The following RANBP2 variants were observed in gnomAD, a reference collection of about 807,000 sequenced individuals.
RANBP2 encodes RAN binding protein 2.
A neutral mutation model predicts 303.6 loss-of-function variants in RANBP2; 57 were observed. The ratio of observed to expected loss-of-function variants is 0.19; its 90% CI spans 0.15 to 0.23. The LOEUF is 0.23. RANBP2 is among the 10% of genes least tolerant of loss of function. The pLI is 1.00. For synonymous variants in RANBP2, 1,167 were observed against 1,301.5 expected, an observed-to-expected ratio of 0.90 and a Z score of 2.23; for missense variants, 3,138 against 3,780.8, an observed-to-expected ratio of 0.83 and a Z score of 4.46.
At chr2:108,929,038 TC>T in the RANBP2 span, among the ~76,000 whole-genome samples, 7 of 152,172 alleles carry the variant, frequency 4.6e-5, no homozygotes, top group African/African-American at 1.7e-4. Flanking sequence ...GGACTCTCCG[TC>T]CTGGATGCTG....
chr2:109,178,008 G>A, the RANBP2 span, among the ~76,000 whole-genome samples: 53 of 152,212 alleles, frequency 3.5e-4, no homozygotes, highest in African/African-American at 1.2e-3. Flanking sequence ...TAAACAAAGG[G>A]CCTAAATCTT....
At chr2:108,898,568 CAA>C in the RANBP2 span, among the ~76,000 whole-genome samples, 1 of 152,040 alleles carries the variant, frequency 6.6e-6, no homozygotes, top group African/African-American at 2.4e-5. Context: ...TACCAAGAAC[CAA>C]GAAGATGTCA....
chr2:109,371,550 C>G, the RANBP2 span: 1 of 1,572,976 alleles, frequency 6.4e-7, no homozygotes, highest in Non-Finnish European at 8.7e-7. Flanking sequence ...TGTGTGTGTC[C>G]GTATGCTTGT....
the RANBP2 span, among the ~76,000 whole-genome samples, chr2:109,180,328 C>T: frequency 2.0e-5 from 3 of 152,136 alleles, no homozygotes; most frequent in African/African-American, 7.2e-5. Flanking sequence ...ATGACTTTTT[C>T]TCTGTTTCCT....
At chr2:109,429,125 G>A in the RANBP2 span, among the ~76,000 whole-genome samples, 2 of 152,268 alleles carry the variant, frequency 1.3e-5, no homozygotes, top group African/African-American at 4.8e-5. Flanking sequence ...GGCAGGTTGG[G>A]AAGGGCCGGT....
chr2:109,405,878 C>T, the RANBP2 span, among the ~76,000 whole-genome samples: 7 of 152,362 alleles, frequency 4.6e-5, no homozygotes, highest in Non-Finnish European at 7.3e-5. Flanking sequence ...GGCTCTCACA[C>T]GCTAGCTTCC....
chr2:108,831,801 C>T, the RANBP2 span, among the ~76,000 whole-genome samples: 175 of 151,952 alleles, frequency 1.2e-3, 1 homozygote, highest in African/African-American at 4.1e-3. Context: ...GGCATGATCT[C>T]GGCCCACTGC....
the RANBP2 span, among the ~76,000 whole-genome samples, chr2:109,655,322 G>A: frequency 6.6e-5 from 10 of 152,290 alleles, no homozygotes; most frequent in South Asian, 2.1e-3. Context: ...GAACACAGTC[G>A]ATAGGTGACT....
the RANBP2 span, among the ~76,000 whole-genome samples, chr2:109,164,309 G>A: frequency 5.9e-3 from 897 of 152,124 alleles, 10 homozygotes; most frequent in African/African-American, 0.02. Context: ...CAGCCTCCCT[G>A]AGTAGCTAGG....
the RANBP2 span, among the ~76,000 whole-genome samples, chr2:109,316,064 G>A: frequency 6.6e-6 from 1 of 152,158 alleles, no homozygotes; most frequent in African/African-American, 2.4e-5. Context: ...GATTAGATGT[G>A]GTTAGAAAAG....
the RANBP2 span, among the ~76,000 whole-genome samples, chr2:108,891,571 AGT>A: frequency 6.6e-6 from 1 of 152,158 alleles, no homozygotes. Context: ...CAATGGGCTA[AGT>A]GTGCCTGTTT....
At chr2:109,471,993 G>A in the RANBP2 span, among the ~76,000 whole-genome samples, 2 of 152,212 alleles carry the variant, frequency 1.3e-5, no homozygotes, top group African/African-American at 4.8e-5. Flanking sequence ...TCAGGGAGAA[G>A]CAGAGTCCTG....
chr2:108,872,901 G>C, the RANBP2 span, among the ~76,000 whole-genome samples: 3 of 152,088 alleles, frequency 2.0e-5, no homozygotes, highest in East Asian at 5.8e-4. Context: ...ACTTGTAATA[G>C]CTTCAACATA....
the RANBP2 span, among the ~76,000 whole-genome samples, chr2:108,815,180 A>G: frequency 1.3e-5 from 2 of 152,082 alleles, no homozygotes; most frequent in African/African-American, 4.8e-5. Context: ...ACAAAGTAAC[A>G]ATTTTTGTGA....
the RANBP2 span, among the ~76,000 whole-genome samples, chr2:109,367,300 A>G: frequency 8.5e-4 from 125 of 147,344 alleles, no homozygotes; most frequent in Non-Finnish European, 1.5e-3. Flanking sequence ...TTTTATTTTT[A>G]GATGGAGTCT....
At chr2:109,568,750 A>C in the RANBP2 span, among the ~76,000 whole-genome samples, 1 of 152,142 alleles carries the variant, frequency 6.6e-6, no homozygotes, top group Non-Finnish European at 1.5e-5. Context: ...AGCAAAACTA[A>C]AAGACAGGTG....
chr2:109,606,697 T>TTTTA, the RANBP2 span, among the ~76,000 whole-genome samples: 1 of 99,498 alleles, frequency 1.0e-5, no homozygotes, highest in Non-Finnish European at 2.2e-5. Flanking sequence ...TTTTTTTTTT[T>TTTTA]GAGATGGAGT....
chr2:108,734,980 GAAGT>G (rs1695457480), intron 4 of RANBP2, among the ~76,000 whole-genome samples: 1 of 152,132 alleles, frequency 6.6e-6, no homozygotes, highest in South Asian at 2.1e-4. Flanking sequence ...TCGCAAATGA[GAAGT>G]GAGTGGCCAC....
At chr2:109,710,399 A>G in the RANBP2 span, among the ~76,000 whole-genome samples, 2 of 144,932 alleles carry the variant, frequency 1.4e-5, no homozygotes, top group African/African-American at 5.0e-5. Context: ...AAAAAAAGTG[A>G]TTTACTCTAT....
Sources: gnomAD v4.1 joint callset for allele counts (sites outside exome capture counted in the v4.1 genomes callset) on GRCh38, gnomAD v4.1.1 for gene constraint, MANE v1.5 for transcripts, NCBI Gene and HGNC (gene_info 2026-07-23, HGNC 2026-07-21) for gene names.